The following TOM1 variants were observed in gnomAD, a reference collection of about 807,000 sequenced individuals.
TOM1 encodes target of myb1 membrane trafficking protein.
Under a neutral mutation model 61.3 loss-of-function variants are expected in TOM1, and 38 were observed. The ratio of observed to expected loss-of-function variants is 0.62; its 90% CI spans 0.48 to 0.81. The LOEUF (loss-of-function observed/expected upper bound fraction) is 0.81, where lower values mean the gene tolerates loss of function less well. Among genes scored for constraint, TOM1 ranks in the 40% least tolerant of loss-of-function variants. The pLI is 0.00. For missense variants in TOM1, 591 were observed against 659.6 expected (o/e 0.90, Z 1.14); for synonymous variants, 270 against 268.8 (o/e 1.00, Z -0.04).
At chr22:35,324,062 G>C in intron 6 of TOM1, 148 bp downstream of exon 6, 2 of 1,012,422 alleles carry the variant, frequency 2.0e-6, no homozygotes, top group Non-Finnish European at 2.8e-6. Flanking sequence ...TCCTGTTTGA[G>C]CGATGAGACT....
intron 1 of TOM1, among the ~76,000 whole-genome samples, chr22:35,309,878 G>T (rs181178796): frequency 6.6e-6 from 1 of 152,066 alleles, no homozygotes; most frequent in Admixed American, 6.5e-5. Context: ...CCTTCCCCAG[G>T]AGCCGCCCAA....
At chr22:35,322,121 C>A in intron 3 of TOM1, 84 bp downstream of exon 3, 1 of 1,173,812 alleles carries the variant, frequency 8.5e-7, no homozygotes, top group Non-Finnish European at 1.3e-6. Flanking sequence ...GACTCCCAGC[C>A]TCCTCTGAGC....
At chr22:35,340,345 G>A (rs1241760219) in intron 12 of TOM1, among the ~76,000 whole-genome samples, 2 of 152,168 alleles carry the variant, frequency 1.3e-5, no homozygotes, top group African/African-American at 2.4e-5. Flanking sequence ...GGACCTCAGC[G>A]CGGCTAGGAG....
chr22:35,322,158 G>A, intron 3 of TOM1, 121 bp downstream of exon 3: 2 of 859,538 alleles, frequency 2.3e-6, no homozygotes, highest in Non-Finnish European at 3.8e-6. Context: ...GGAAAGGTCT[G>A]TAGGCAACGC....
At position 35,333,033 on chromosome 22, in the gene TOM1, G is replaced by A. The variant is rs1928976887; in HGVS notation, c.933+19G>A. Reference sequence around the variant, plus strand: ...CACCAAGGTAAAAGTCTTCTTTTCTGTGACTAGATCAGGCCCTGTTCATGG... The same window carrying A: ...CACCAAGGTAAAAGTCTTCTTTTCTATGACTAGATCAGGCCCTGTTCATGG... On this transcript the variant is annotated intron_variant, in intron 9 of 14. Transcript: ENST00000449058. The A allele has an allele frequency of 6.2e-7, 1 of 1,613,854 alleles. No homozygotes were observed. The highest frequency in any genetic ancestry group is 8.5e-7 in the Non-Finnish European group (1 of 1,179,736).
chr22:35,339,602 A>G (rs1929692879), intron 12 of TOM1, among the ~76,000 whole-genome samples: 1 of 152,100 alleles, frequency 6.6e-6, no homozygotes, highest in South Asian at 2.1e-4. Context: ...GTGGGCAGAG[A>G]GGAATAAAAG....
chr22:35,305,093 G>C (rs991526426), intron 1 of TOM1, among the ~76,000 whole-genome samples: 2 of 152,234 alleles, frequency 1.3e-5, no homozygotes, highest in Non-Finnish European at 2.9e-5. Flanking sequence ...ACAGAAGTGA[G>C]AGACCACTTC....
At position 35,327,366 on chromosome 22, in the gene TOM1, C is replaced by T. The variant is rs760572052; in HGVS notation, c.744C>T (p.Pro248=). 1.6e-5 allele frequency: 26 copies of T among 1,613,208 alleles called. No homozygotes were observed. Among genetic ancestry groups the T allele is most frequent in the South Asian group, 1.2e-4 (11 of 91,064 alleles). The change falls in exon 7 of 15, where the codon CCC becomes CCT. Residue 248 remains proline, a synonymous_variant. Coordinates refer to ENST00000449058, the MANE Select transcript of TOM1 (RefSeq NM_005488.3). ...LTELVPTQAE[P]ADLELLQELN... Reference sequence around the variant, plus strand: ...AGCTGGTGCCCACCCAGGCCGAGCCCGCAGACCTGGAGCTGCTGCAGGTGA... The same window carrying T: ...AGCTGGTGCCCACCCAGGCCGAGCCTGCAGACCTGGAGCTGCTGCAGGTGA...
intron 12 of TOM1, among the ~76,000 whole-genome samples, chr22:35,344,027 T>A (rs943855112): frequency 6.9e-6 from 1 of 145,948 alleles, no homozygotes; most frequent in African/African-American, 2.6e-5. Flanking sequence ...ACACCTACAC[T>A]CATACACCTA....
intron 1 of TOM1, among the ~76,000 whole-genome samples, chr22:35,317,432 C>T (rs1198301070): frequency 6.6e-6 from 1 of 152,208 alleles, no homozygotes; most frequent in Non-Finnish European, 1.5e-5. Context: ...AGGTGATCCA[C>T]CCACCTCAGC....
intron 1 of TOM1, among the ~76,000 whole-genome samples, chr22:35,304,697 C>G (rs913385685): frequency 6.6e-6 from 1 of 152,202 alleles, no homozygotes; most frequent in Non-Finnish European, 1.5e-5. Context: ...CCAGGATGGT[C>G]TCGATCTCCT....
intron 11 of TOM1, among the ~76,000 whole-genome samples, chr22:35,338,340 A>C (rs772905845): frequency 9.2e-5 from 14 of 152,172 alleles, no homozygotes; most frequent in Non-Finnish European, 1.6e-4. Context: ...CCTCATACAC[A>C]ACCACAGTCT....
At chr22:35,299,703 G>A (rs953498125), upstream of TOM1, 5 of 578,584 alleles carry the variant, frequency 8.6e-6, no homozygotes, top group Non-Finnish European at 1.5e-5. Context: ...ACCCTACATC[G>A]TGTGTGACGC....
intron 7 of TOM1, among the ~76,000 whole-genome samples, chr22:35,330,007 C>T (rs925303401): frequency 6.6e-6 from 1 of 151,984 alleles, no homozygotes; most frequent in African/African-American, 2.4e-5. Context: ...TGGCCAGGCG[C>T]GGTGGCTCAC....
At chr22:35,331,035 G>C (rs1225214252) in intron 8 of TOM1, among the ~76,000 whole-genome samples, 1 of 151,954 alleles carries the variant, frequency 6.6e-6, no homozygotes, top group Non-Finnish European at 1.5e-5. Context: ...CATCTCCCCA[G>C]GGTGCTGCCA....
intron 1 of TOM1, 90 bp from the exon 2 acceptor site, chr22:35,317,787 G>A (rs963964083): frequency 9.8e-6 from 9 of 916,522 alleles, no homozygotes; most frequent in South Asian, 1.3e-5. Context: ...CATCTCATCC[G>A]GCCCTGCACC....
At chr22:35,331,464 T>C (rs981823519) in intron 8 of TOM1, 5 of 357,200 alleles carry the variant, frequency 1.4e-5, no homozygotes, top group South Asian at 1.0e-4. Context: ...GAGACTTGGA[T>C]TGGCTGAGCT....
At chr22:35,325,494 C>G (rs769071685) in intron 6 of TOM1, among the ~76,000 whole-genome samples, 5 of 152,162 alleles carry the variant, frequency 3.3e-5, no homozygotes, top group African/African-American at 1.2e-4. Context: ...ATTTCTGTTA[C>G]GTTAGGATTG....
intron 2 of TOM1, among the ~76,000 whole-genome samples, chr22:35,319,250 T>C (rs1286389844): frequency 6.6e-6 from 1 of 152,118 alleles, no homozygotes; most frequent in Non-Finnish European, 1.5e-5. Flanking sequence ...ATGTCCCTTA[T>C]AAACATGGGA....
Sources: gnomAD v4.1 joint callset for allele counts (sites outside exome capture counted in the v4.1 genomes callset) on GRCh38, gnomAD v4.1.1 for gene constraint, MANE v1.5 for transcripts, NCBI Gene and HGNC (gene_info 2026-07-23, HGNC 2026-07-21) for gene names.